Variants in LINGO2 observed in about 807,000 individuals in gnomAD.
LINGO2 encodes leucine rich repeat and Ig domain containing 2.
LINGO2 carries 14 observed loss-of-function variants against 30.6 expected under a neutral mutation model. The ratio of observed to expected loss-of-function variants is 0.46; its 90% CI spans 0.30 to 0.72. The LOEUF (loss-of-function observed/expected upper bound fraction) is 0.72, where lower values mean the gene tolerates loss of function less well. Ranked by LOEUF, LINGO2 falls within the 30% of genes least tolerant of loss-of-function variation. LINGO2 has a pLI of 0.07. For synonymous variants in LINGO2, 317 were observed against 288.5 expected, an observed-to-expected ratio of 1.10 and a Z score of -1.00; for missense variants, 729 against 751.7, an observed-to-expected ratio of 0.97 and a Z score of 0.35.
chr9:29,181,003 A>T, the LINGO2 span, among the ~76,000 whole-genome samples: 2 of 152,198 alleles, frequency 1.3e-5, no homozygotes, highest in African/African-American at 2.4e-5. Context: ...TCTGGTTAGA[A>T]TTTACTCCTT....
In LINGO2 at chr9:28,475,406, T is replaced by G. The variant is rs1277492082; in HGVS notation, c.-279+534A>C. ...AATAACTGTCTCAGGGAGCAGCATA[T>G]GATTTAAAGGCAAGTCACATCATCT... On this transcript the variant is annotated intron_variant, in intron 2 of 5. Coordinates refer to ENST00000379992, the Ensembl canonical transcript of LINGO2. Among the ~76,000 whole-genome samples the G allele has an allele frequency of 2.0e-5, 3 of 152,240 alleles. No homozygotes were observed. The East Asian group carries it at 5.8e-4, about 29-fold the overall frequency.
intron 3 of LINGO2, among the ~76,000 whole-genome samples, chr9:28,320,196 CAAG>C (rs1033386987): frequency 1.8e-4 from 27 of 152,208 alleles, no homozygotes; most frequent in African/African-American, 6.3e-4. Flanking sequence ...CCATCATTTC[CAAG>C]AAGAAGCAGC....
chr9:28,939,843 C>G, the LINGO2 span, among the ~76,000 whole-genome samples: 139,329 of 152,096 alleles, frequency 0.92, 63,926 homozygotes, highest in Non-Finnish European at 0.94. Context: ...AAAAGGTGGT[C>G]TTTACCTTTA....
chr9:29,198,789 T>G, the LINGO2 span, among the ~76,000 whole-genome samples: 6 of 152,104 alleles, frequency 3.9e-5, no homozygotes, highest in African/African-American at 1.4e-4. Context: ...CAAATTCTGT[T>G]CAAGAACAAT....
chr9:28,790,219 G>C, the LINGO2 span, among the ~76,000 whole-genome samples: 1 of 151,490 alleles, frequency 6.6e-6, no homozygotes, highest in Non-Finnish European at 1.5e-5. Flanking sequence ...TCATTTAGTA[G>C]TCCTCTCACC....
intron 2 of LINGO2, among the ~76,000 whole-genome samples, chr9:28,418,262 G>A (rs1462996246): frequency 6.9e-6 from 1 of 144,218 alleles, no homozygotes; most frequent in East Asian, 2.1e-4. Flanking sequence ...CTTATGTAAT[G>A]TTAGGCCATG....
intron 1 of LINGO2, among the ~76,000 whole-genome samples, chr9:28,499,067 C>T (rs1039790052): frequency 2.6e-5 from 4 of 151,984 alleles, no homozygotes; most frequent in South Asian, 2.1e-4. Context: ...AAGTAGCCTT[C>T]GATTCATTTA....
chr9:29,071,892 A>C, the LINGO2 span, among the ~76,000 whole-genome samples: 1 of 152,130 alleles, frequency 6.6e-6, no homozygotes, highest in Non-Finnish European at 1.5e-5. Context: ...AAAGAGAGAC[A>C]AAAGTTATGA....
At chr9:28,541,489 G>C (rs1317681941) in intron 1 of LINGO2, among the ~76,000 whole-genome samples, 4 of 152,114 alleles carry the variant, frequency 2.6e-5, no homozygotes, top group Admixed American at 6.6e-5. Flanking sequence ...AGAAAAACAA[G>C]AGCAATTTTT....
intron 1 of LINGO2, among the ~76,000 whole-genome samples, chr9:28,622,286 A>C (rs918628235): frequency 1.3e-5 from 2 of 151,704 alleles, no homozygotes; most frequent in Non-Finnish European, 2.9e-5. Context: ...AACCATCCCA[A>C]CTTCCTCCTA....
chr9:29,198,654 C>G, the LINGO2 span, among the ~76,000 whole-genome samples: 1 of 152,074 alleles, frequency 6.6e-6, no homozygotes, highest in Admixed American at 6.6e-5. Context: ...AATTAAAACA[C>G]TGTATTCCTA....
At position 28,396,029 on chromosome 9, in the gene LINGO2, C is replaced by T. The variant is rs149518401; in HGVS notation, c.-278-23161G>A. On this transcript the variant is annotated intron_variant, in intron 2 of 5. Coordinates refer to ENST00000379992, the Ensembl canonical transcript of LINGO2. ...CCATTGGGCAGAAGGAAACTAGGGA[C>T]GCTACCATAATTCACAGTGAGCTCT... 3.2e-3 allele frequency among the ~76,000 whole-genome samples: 489 copies of T among 152,226 alleles called. 12 individuals carry two copies. The East Asian group carries it at 0.042, about 13-fold the overall frequency.
the LINGO2 span, among the ~76,000 whole-genome samples, chr9:28,953,544 A>C: frequency 1.3e-5 from 2 of 152,106 alleles, no homozygotes; most frequent in Non-Finnish European, 2.9e-5. Flanking sequence ...CAAAACAAAA[A>C]AATTAGGGGA....
the LINGO2 span, among the ~76,000 whole-genome samples, chr9:29,001,029 T>C: frequency 2.0e-5 from 3 of 151,942 alleles, no homozygotes; most frequent in Admixed American, 1.3e-4. Flanking sequence ...AGAAACAATA[T>C]TTCATGCATA....
At chr9:28,126,842 G>A (rs547464183) in intron 4 of LINGO2, among the ~76,000 whole-genome samples, 151 of 152,242 alleles carry the variant, frequency 9.9e-4, no homozygotes, top group Middle Eastern at 3.4e-3. Context: ...TGAGCAGAAG[G>A]ATATTATTCT....
At chr9:28,226,671 G>T (rs1029705854) in intron 4 of LINGO2, among the ~76,000 whole-genome samples, 1 of 94,412 alleles carries the variant, frequency 1.1e-5, no homozygotes, top group Non-Finnish European at 2.0e-5. Flanking sequence ...AAGAAAGAAA[G>T]AAAGAAAGAA....
chr9:28,011,387 G>T (rs980646694), intron 5 of LINGO2, among the ~76,000 whole-genome samples: 4 of 152,220 alleles, frequency 2.6e-5, no homozygotes, highest in African/African-American at 9.7e-5. Context: ...TTAGGAAATA[G>T]CAAGAATAGA....
the LINGO2 span, among the ~76,000 whole-genome samples, chr9:28,744,108 AT>A: frequency 0.044 from 6,052 of 136,830 alleles, 221 homozygotes; most frequent in East Asian, 0.15. Flanking sequence ...ATATATATAT[AT>A]TTTTTTTCTT....
chr9:29,123,839 G>C, the LINGO2 span, among the ~76,000 whole-genome samples: 1 of 152,020 alleles, frequency 6.6e-6, no homozygotes, highest in South Asian at 2.1e-4. Flanking sequence ...GTTATCCTGT[G>C]TTCTGTGTCA....
Sources: gnomAD v4.1 joint callset for allele counts (sites outside exome capture counted in the v4.1 genomes callset) on GRCh38, gnomAD v4.1.1 for gene constraint, MANE v1.5 for transcripts, NCBI Gene and HGNC (gene_info 2026-07-23, HGNC 2026-07-21) for gene names.